The following HPSE2 variants were observed in gnomAD, a reference collection of about 807,000 sequenced individuals.
HPSE2 encodes heparanase 2 (inactive).
In HPSE2, 38 loss-of-function variants were observed where a neutral mutation model predicts 60.5. That is an observed-to-expected ratio of 0.63 (90% CI 0.48 to 0.82). The LOEUF (loss-of-function observed/expected upper bound fraction) is 0.82. Among genes scored for constraint, HPSE2 ranks in the 40% least tolerant of loss-of-function variants. The pLI is 0.00. For missense variants in HPSE2, 713 were observed against 740.4 expected (o/e 0.96, Z 0.43); for synonymous variants, 295 against 293.2 (o/e 1.01, Z -0.06).
At chr10:99,289,694 A>G in the HPSE2 span, among the ~76,000 whole-genome samples, 1 of 152,186 alleles carries the variant, frequency 6.6e-6, no homozygotes, top group Non-Finnish European at 1.5e-5. Context: ...CTTGCAATGA[A>G]ATGCCATTTT....
intron 3 of HPSE2, among the ~76,000 whole-genome samples, chr10:99,115,141 G>A (rs975713580): frequency 1.4e-5 from 2 of 142,776 alleles, no homozygotes; most frequent in Non-Finnish European, 3.0e-5. Flanking sequence ...GCACCACCTC[G>A]CCCAGCTAAA....
intron 10 of HPSE2, among the ~76,000 whole-genome samples, chr10:98,486,616 C>T (rs141550799): frequency 6.6e-6 from 1 of 152,074 alleles, no homozygotes; most frequent in Admixed American, 6.6e-5. Flanking sequence ...TGGGGAGGTG[C>T]ATCTTGACTT....
intron 3 of HPSE2, among the ~76,000 whole-genome samples, chr10:99,009,890 A>C (rs1956973866): frequency 6.6e-6 from 1 of 152,262 alleles, no homozygotes. Flanking sequence ...AAACGTAGGA[A>C]GGACATAAAC....
At chr10:99,186,218 G>A (rs547060354) in intron 2 of HPSE2, among the ~76,000 whole-genome samples, 1 of 149,218 alleles carries the variant, frequency 6.7e-6, no homozygotes, top group African/African-American at 2.5e-5. Context: ...AGCAGCCAAA[G>A]GAAAAAGATA....
intron 6 of HPSE2, among the ~76,000 whole-genome samples, chr10:98,682,362 C>T (rs890425413): frequency 4.6e-5 from 7 of 152,162 alleles, no homozygotes; most frequent in Non-Finnish European, 1.0e-4. Flanking sequence ...GCCAATTAAA[C>T]CTCTTTTCTT....
chr10:98,898,727 A>G (rs1462885316), intron 3 of HPSE2, among the ~76,000 whole-genome samples: 1 of 152,210 alleles, frequency 6.6e-6, no homozygotes, highest in East Asian at 1.9e-4. Flanking sequence ...ATAGAAAACT[A>G]TTTAGGAGAT....
intron 5 of HPSE2, among the ~76,000 whole-genome samples, chr10:98,717,484 T>TGA (rs1948819714): frequency 6.6e-6 from 1 of 152,122 alleles, no homozygotes; most frequent in Admixed American, 6.6e-5. Flanking sequence ...TGCCTTAAAG[T>TGA]GAGAGACATG....
At chr10:98,996,387 G>A (rs940749163) in intron 3 of HPSE2, among the ~76,000 whole-genome samples, 1 of 152,116 alleles carries the variant, frequency 6.6e-6, no homozygotes, top group African/African-American at 2.4e-5. Context: ...ATATATTGTT[G>A]GTAAGAGTGT....
intron 3 of HPSE2, among the ~76,000 whole-genome samples, chr10:98,884,360 T>G (rs947033252): frequency 6.6e-6 from 1 of 152,124 alleles, no homozygotes; most frequent in African/African-American, 2.4e-5. Context: ...AACAACAGAT[T>G]TTCGACGTAG....
the HPSE2 span, among the ~76,000 whole-genome samples, chr10:99,280,116 G>C: frequency 2.6e-5 from 4 of 152,196 alleles, no homozygotes; most frequent in Admixed American, 6.5e-5. Context: ...TCAGCTCTCT[G>C]AATCAGAAGT....
intron 3 of HPSE2, among the ~76,000 whole-genome samples, chr10:99,094,528 ATATATATATATATTTTTTTTTTTTTTTTT>A (rs1843635964): frequency 4.3e-4 from 7 of 16,288 alleles, no homozygotes; most frequent in Admixed American, 2.6e-3. Context: ...ATATATATAT[ATATATATATATATTTTTTTTTTTTTTTTT>A]TTTTTTTTTT....
chr10:99,219,679 T>C (rs191617160), intron 2 of HPSE2, among the ~76,000 whole-genome samples: 6 of 152,338 alleles, frequency 3.9e-5, no homozygotes, highest in Admixed American at 3.3e-4. Flanking sequence ...GAGTCTGTTT[T>C]CTCAGTTATA....
At chr10:99,088,601 A>T (rs1471130909) in intron 3 of HPSE2, among the ~76,000 whole-genome samples, 1 of 152,142 alleles carries the variant, frequency 6.6e-6, no homozygotes, top group Non-Finnish European at 1.5e-5. Flanking sequence ...AACCACTCAT[A>T]GATTGATGGG....
chr10:98,934,785 T>C (rs1445968527), intron 3 of HPSE2, among the ~76,000 whole-genome samples: 5 of 143,480 alleles, frequency 3.5e-5, no homozygotes, highest in East Asian at 4.0e-4. Context: ...GAGTATCTTA[T>C]TGGGGTTCTT....
At chr10:99,258,465 A>T in the HPSE2 span, among the ~76,000 whole-genome samples, 1 of 152,098 alleles carries the variant, frequency 6.6e-6, no homozygotes, top group Admixed American at 6.5e-5. Context: ...CTCCCAAAAT[A>T]GTTCTGTAGA....
chr10:99,085,968 C>T (rs1367844531), intron 3 of HPSE2, among the ~76,000 whole-genome samples: 1 of 152,174 alleles, frequency 6.6e-6, no homozygotes, highest in Non-Finnish European at 1.5e-5. Context: ...CTGCCCATAC[C>T]TCTGTCACCT....
At chr10:98,926,222 A>T (rs538935881) in intron 3 of HPSE2, among the ~76,000 whole-genome samples, 2 of 152,300 alleles carry the variant, frequency 1.3e-5, no homozygotes, top group Non-Finnish European at 2.9e-5. Context: ...CTATTGGAAA[A>T]TACATCATTT....
intron 9 of HPSE2, among the ~76,000 whole-genome samples, 156 bp downstream of exon 9, chr10:98,614,739 TCTGTAAAAC>T (rs1210981577): frequency 6.7e-6 from 1 of 149,368 alleles, no homozygotes; most frequent in Non-Finnish European, 1.5e-5. Flanking sequence ...AAGCCAAAAG[TCTGTAAAAC>T]GGATCAAGGG....
At chr10:98,754,370 C>A (rs923487011) in intron 3 of HPSE2, among the ~76,000 whole-genome samples, 2 of 151,880 alleles carry the variant, frequency 1.3e-5, no homozygotes, top group African/African-American at 4.8e-5. Flanking sequence ...GTAAAAAGAC[C>A]AAATCTATGA....
Sources: gnomAD v4.1 joint callset for allele counts (sites outside exome capture counted in the v4.1 genomes callset) on GRCh38, gnomAD v4.1.1 for gene constraint, MANE v1.5 for transcripts, NCBI Gene and HGNC (gene_info 2026-07-23, HGNC 2026-07-21) for gene names.